Variants in EVC2 observed in about 807,000 individuals in gnomAD.
EVC2 encodes the protein EvC ciliary complex subunit 2, also known as limbin.
EVC2 carries 148 observed loss-of-function variants against 149.3 expected under a neutral mutation model. That is an observed-to-expected ratio of 0.99 (90% CI 0.87 to 1.14). The LOEUF (loss-of-function observed/expected upper bound fraction) is 1.14. Ranked by LOEUF, EVC2 falls within the 50% of genes most tolerant of loss-of-function variation. The probability of loss-of-function intolerance (pLI) is 0.00; values close to 1 mark genes in which losing one functional copy is unlikely to be tolerated. For missense variants in EVC2, 1,854 were observed against 1,627.3 expected (o/e 1.14, Z -2.40); for synonymous variants, 776 against 649.9 (o/e 1.19, Z -2.95).
intron 16 of EVC2, among the ~76,000 whole-genome samples, chr4:5,587,779 G>A (rs1428339449): frequency 6.6e-6 from 1 of 152,154 alleles, no homozygotes; most frequent in African/African-American, 2.4e-5. Flanking sequence ...GTACGTGACT[G>A]GGGGCTGCAT....
intron 17 of EVC2, among the ~76,000 whole-genome samples, chr4:5,581,149 G>C (rs528349750): frequency 2.7e-4 from 41 of 152,190 alleles, no homozygotes; most frequent in Non-Finnish European, 5.3e-4. Flanking sequence ...AAATTAGCTA[G>C]TCTCAGGTAT....
At chr4:5,591,518 T>G (rs1712798009) in intron 16 of EVC2, among the ~76,000 whole-genome samples, 1 of 152,102 alleles carries the variant, frequency 6.6e-6, no homozygotes, top group African/African-American at 2.4e-5. Context: ...CCTGCAGAGG[T>G]GCAGAGCAGA....
At chr4:5,595,978 T>C (rs188485864) in intron 16 of EVC2, among the ~76,000 whole-genome samples, 1 of 152,264 alleles carries the variant, frequency 6.6e-6, no homozygotes, top group African/African-American at 2.4e-5. Context: ...AAGAAGGCCA[T>C]CACATAATGG....
At chr4:5,534,818 GAAA>G in the EVC2 span, among the ~76,000 whole-genome samples, 3 of 66,878 alleles carry the variant, frequency 4.5e-5, no homozygotes, top group Admixed American at 3.5e-4. Context: ...CATCTGGTAG[GAAA>G]AAAAAAAAAA....
intron 7 of EVC2, among the ~76,000 whole-genome samples, chr4:5,673,868 T>G (rs1180299526): frequency 6.6e-6 from 1 of 152,246 alleles, no homozygotes; most frequent in African/African-American, 2.4e-5. Flanking sequence ...TTCTCCCTGC[T>G]GGTGGGATTA....
chr4:5,656,224 C>T (rs1336369886), intron 9 of EVC2, among the ~76,000 whole-genome samples: 1 of 152,164 alleles, frequency 6.6e-6, no homozygotes. Flanking sequence ...GGAGAGGTAA[C>T]CGTTCCCAGC....
In EVC2 at chr4:5,679,992, C is replaced by G. The variant is rs2151722594; in HGVS notation, c.870+1268G>C. Among the ~76,000 whole-genome samples the G allele has an allele frequency of 6.6e-6, 1 of 152,206 alleles. No individual in the cohort carries two copies. The highest frequency in any genetic ancestry group is 6.5e-5 in the Admixed American group (1 of 15,292). On this transcript the variant is annotated intron_variant, in intron 7 of 21. Coordinates refer to ENST00000344408, the MANE Select transcript of EVC2 (RefSeq NM_147127.5). This position sits in a 1 kb window ranked among gnomAD's most constrained non-coding sequence, Gnocchi z 5.1. ...CACTTCTTAAACTTTTTGTTAAAAACTAAGACACACATTAGCCTAGTCCTG... is the reference window on the plus strand; with the variant it reads ...CACTTCTTAAACTTTTTGTTAAAAAGTAAGACACACATTAGCCTAGTCCTG...
chr4:5,709,213 C>G (rs544015088), upstream of EVC2: 1 of 152,440 alleles, frequency 6.6e-6, no homozygotes, highest in South Asian at 2.1e-4. Flanking sequence ...TAAGCAAGCT[C>G]TCCCTGAACT....
At chr4:5,649,478 A>G (rs938852164) in intron 9 of EVC2, among the ~76,000 whole-genome samples, 9 of 152,238 alleles carry the variant, frequency 5.9e-5, no homozygotes, top group African/African-American at 1.9e-4. Flanking sequence ...TGATAAAAAA[A>G]GAGAGAAGAT....
intron 17 of EVC2, among the ~76,000 whole-genome samples, chr4:5,577,275 C>A (rs982797321): frequency 4.6e-5 from 7 of 152,202 alleles, no homozygotes; most frequent in Non-Finnish European, 7.3e-5. Flanking sequence ...GCTACATTGT[C>A]TCTCCTTGGC....
At chr4:5,682,086 T>C (rs1720383484) in intron 6 of EVC2, among the ~76,000 whole-genome samples, 1 of 152,298 alleles carries the variant, frequency 6.6e-6, no homozygotes, top group South Asian at 2.1e-4. Context: ...AAGATTAACT[T>C]AGGTAATATA....
intron 1 of EVC2, among the ~76,000 whole-genome samples, chr4:5,706,377 GATAC>G (rs1371291605): frequency 0.13 from 1,240 of 9,362 alleles, 202 homozygotes; most frequent in African/African-American, 0.18. Flanking sequence ...TACATAGATA[GATAC>G]ATAGATAGAT....
intron 1 of EVC2, among the ~76,000 whole-genome samples, chr4:5,701,976 G>C (rs1051000918): frequency 6.6e-6 from 1 of 151,778 alleles, no homozygotes; most frequent in African/African-American, 2.4e-5. Context: ...CTGGCCTCCC[G>C]CCTGCCTGCT....
At chr4:5,568,714 T>C in intron 19 of EVC2, 74 bp from the exon 20 acceptor site, 1 of 1,447,958 alleles carries the variant, frequency 6.9e-7, no homozygotes, top group Non-Finnish European at 9.4e-7. Context: ...ATTTATCACA[T>C]TCTGAGGACA....
At chr4:5,655,590 C>T (rs73198198) in intron 9 of EVC2, among the ~76,000 whole-genome samples, 17,105 of 152,056 alleles carry the variant, frequency 0.11, 1,284 homozygotes, top group Middle Eastern at 0.17. Flanking sequence ...CACCTGGTAC[C>T]GCCAGGCCTG....
Position 5,677,344 on chromosome 4 carries a change from C to A in EVC2, c.870+3916G>T, listed in dbSNP as rs572266230. On this transcript the variant is annotated intron_variant, in intron 7 of 21. Coordinates refer to ENST00000344408, the MANE Select transcript of EVC2 (RefSeq NM_147127.5). This position sits in a 1 kb window ranked among gnomAD's most constrained non-coding sequence, Gnocchi z 4.3. ...GGTCCAAGAGTCAGCTGGGCCCACA[C>A]AACACCATAGGGCCATCCTGTGCAT... Among the ~76,000 whole-genome samples, 3 of 152,164 alleles carry A rather than the reference C, an allele frequency of 2.0e-5. No homozygotes were observed. Among genetic ancestry groups the A allele is most frequent in the African/African-American group, 7.2e-5 (3 of 41,446 alleles).
chr4:5,612,710 C>G (rs1046403198), intron 16 of EVC2, among the ~76,000 whole-genome samples: 1 of 152,020 alleles, frequency 6.6e-6, no homozygotes, highest in Non-Finnish European at 1.5e-5. Context: ...ATCACGAGGT[C>G]AGGAGATCCA....
At chr4:5,617,549 C>T (rs932130745) in intron 15 of EVC2, among the ~76,000 whole-genome samples, 1 of 151,930 alleles carries the variant, frequency 6.6e-6, no homozygotes, top group African/African-American at 2.4e-5. Context: ...TTAGTGGAAG[C>T]CCAGACAAAG....
chr4:5,609,089 C>T (rs1714624040), intron 16 of EVC2, among the ~76,000 whole-genome samples: 1 of 152,084 alleles, frequency 6.6e-6, no homozygotes, highest in Non-Finnish European at 1.5e-5. Context: ...AATTATACCA[C>T]CAGGTTTGCG....
Sources: allele counts gnomAD v4.1 joint callset (sites outside exome capture counted in the v4.1 genomes callset), GRCh38; gene constraint gnomAD v4.1.1; non-coding constraint Gnocchi (gnomAD v3.1); transcripts MANE v1.5; gene names NCBI Gene and HGNC (gene_info 2026-07-23, HGNC 2026-07-21).